The following CNTNAP5 variants were observed in gnomAD, a reference collection of about 807,000 sequenced individuals.
The protein encoded by CNTNAP5 is contactin-associated protein-like 5.
In CNTNAP5, 72 loss-of-function variants were observed where a neutral mutation model predicts 150.2. The ratio of observed to expected loss-of-function variants is 0.48; its 90% CI spans 0.40 to 0.58. The LOEUF is 0.58. CNTNAP5 is among the 20% of genes least tolerant of loss of function. The pLI, the probability that CNTNAP5 is intolerant of heterozygous loss-of-function variation, is 0.00. For missense variants in CNTNAP5, 1,636 were observed against 1,626.2 expected, an observed-to-expected ratio of 1.01 and a Z score of -0.10; for synonymous variants, 672 against 619.8, an observed-to-expected ratio of 1.08 and a Z score of -1.25.
At chr2:124,472,751 A>C (rs1693545817) in intron 6 of CNTNAP5, among the ~76,000 whole-genome samples, 1 of 151,882 alleles carries the variant, frequency 6.6e-6, no homozygotes, top group Non-Finnish European at 1.5e-5. Flanking sequence ...TGCAATAATC[A>C]CATTATATTT....
At chr2:124,794,508 T>G (rs1681803272) in intron 18 of CNTNAP5, among the ~76,000 whole-genome samples, 2 of 152,248 alleles carry the variant, frequency 1.3e-5, no homozygotes, top group South Asian at 4.1e-4. Flanking sequence ...ACACATATAT[T>G]GATTATTTTC....
At chr2:124,767,727 T>C (rs1313817166) in intron 16 of CNTNAP5, among the ~76,000 whole-genome samples, 1 of 152,194 alleles carries the variant, frequency 6.6e-6, no homozygotes, top group Admixed American at 6.6e-5. Flanking sequence ...GAATGGGAAT[T>C]CACTGGTACT....
chr2:124,622,824 A>G (rs1358023907), intron 12 of CNTNAP5, among the ~76,000 whole-genome samples: 1 of 152,196 alleles, frequency 6.6e-6, no homozygotes, highest in Admixed American at 6.5e-5. Context: ...CTTTTTTATC[A>G]CAAGTTGGGT....
At chr2:124,460,204 C>T (rs1693214035) in intron 6 of CNTNAP5, among the ~76,000 whole-genome samples, 1 of 152,238 alleles carries the variant, frequency 6.6e-6, no homozygotes, top group African/African-American at 2.4e-5. Context: ...ATAGAAATTT[C>T]TGAAAGGATA....
At chr2:124,713,257 C>CTCTG (rs1679854742) in intron 13 of CNTNAP5, among the ~76,000 whole-genome samples, 1 of 100,908 alleles carries the variant, frequency 9.9e-6, no homozygotes, top group African/African-American at 3.4e-5. Flanking sequence ...TTCTTTCTTT[C>CTCTG]TTTCTTTCTT....
At chr2:124,672,290 G>C (rs1304511740) in intron 13 of CNTNAP5, among the ~76,000 whole-genome samples, 1 of 152,030 alleles carries the variant, frequency 6.6e-6, no homozygotes, top group South Asian at 2.1e-4. Context: ...GTCTTTGAAG[G>C]CTCTTTCTCC....
chr2:124,410,285 C>G (rs1311642901), intron 3 of CNTNAP5, among the ~76,000 whole-genome samples: 3 of 149,000 alleles, frequency 2.0e-5, no homozygotes, highest in Admixed American at 6.7e-5. Context: ...TAATGGGAGA[C>G]TTTAACACCC....
chr2:124,791,445 C>T (rs964718719), intron 18 of CNTNAP5, among the ~76,000 whole-genome samples: 20 of 152,120 alleles, frequency 1.3e-4, no homozygotes, highest in Admixed American at 9.8e-4. Flanking sequence ...TTCACACTGG[C>T]GGAGGTCTCT....
intron 13 of CNTNAP5, among the ~76,000 whole-genome samples, chr2:124,702,383 T>TGG (rs1679542111): frequency 1.2e-5 from 1 of 84,380 alleles, no homozygotes; most frequent in African/African-American, 5.0e-5. Context: ...TTTTTTTTTT[T>TGG]TTTTTTTTTT....
intron 7 of CNTNAP5, among the ~76,000 whole-genome samples, chr2:124,499,149 T>A (rs1271641817): frequency 6.6e-6 from 1 of 152,090 alleles, no homozygotes; most frequent in African/African-American, 2.4e-5. Context: ...GAGAAAGGCA[T>A]GTTTTTTTTT....
chr2:124,305,111 C>CAAAAAAAAAAA (rs57896748), intron 3 of CNTNAP5, among the ~76,000 whole-genome samples: 335 of 85,670 alleles, frequency 3.9e-3, no homozygotes, highest in Middle Eastern at 0.011. Context: ...ACAAAAAATA[C>CAAAAAAAAAAA]AAAAAAAAAA....
chr2:124,876,089 A>G (rs971878834), intron 21 of CNTNAP5, among the ~76,000 whole-genome samples: 8 of 152,120 alleles, frequency 5.3e-5, no homozygotes, highest in Admixed American at 3.9e-4. Flanking sequence ...GTGGTAATGA[A>G]GGTGAAATCA....
chr2:124,084,430 C>T (rs1247226512), intron 1 of CNTNAP5, among the ~76,000 whole-genome samples: 2 of 151,994 alleles, frequency 1.3e-5, no homozygotes, highest in African/African-American at 4.8e-5. Flanking sequence ...TCATGCCAGG[C>T]TAATTTTTGT....
At chr2:124,703,992 G>A (rs1224544668) in intron 13 of CNTNAP5, among the ~76,000 whole-genome samples, 1 of 152,146 alleles carries the variant, frequency 6.6e-6, no homozygotes, top group Non-Finnish European at 1.5e-5. Flanking sequence ...ATTCCTTTTG[G>A]CAAACATCCA....
chr2:124,097,715 G>T (rs960940571), intron 1 of CNTNAP5, among the ~76,000 whole-genome samples: 1 of 152,072 alleles, frequency 6.6e-6, no homozygotes, highest in African/African-American at 2.4e-5. Context: ...GCCCCAACCC[G>T]GTCAAAAATT....
chr2:124,542,784 C>T (rs1695417644), intron 10 of CNTNAP5, among the ~76,000 whole-genome samples: 1 of 152,122 alleles, frequency 6.6e-6, no homozygotes, highest in Non-Finnish European at 1.5e-5. Context: ...CTGATGCATT[C>T]AGCTGAGACA....
chr2:124,407,850 A>G (rs1002415060), intron 3 of CNTNAP5, among the ~76,000 whole-genome samples: 1 of 152,038 alleles, frequency 6.6e-6, no homozygotes, highest in Non-Finnish European at 1.5e-5. Flanking sequence ...TTCAGTTTCC[A>G]AGTAGATAAA....
chr2:124,851,003 T>C (rs1042415839), intron 19 of CNTNAP5, among the ~76,000 whole-genome samples: 1 of 152,188 alleles, frequency 6.6e-6, no homozygotes, highest in African/African-American at 2.4e-5. Context: ...AGAGAAAGTA[T>C]AGATAACGCC....
At chr2:124,506,746 T>C (rs928058726) in intron 8 of CNTNAP5, among the ~76,000 whole-genome samples, 1 of 152,218 alleles carries the variant, frequency 6.6e-6, no homozygotes, top group Non-Finnish European at 1.5e-5. Context: ...AAAACATTTT[T>C]TATTATGTCT....
Sources: gnomAD v4.1 joint callset for allele counts (sites outside exome capture counted in the v4.1 genomes callset) on GRCh38, gnomAD v4.1.1 for gene constraint, MANE v1.5 for transcripts, NCBI Gene and HGNC (gene_info 2026-07-23, HGNC 2026-07-21) for gene names.